The following LRBA variants were observed in gnomAD, a reference collection of about 807,000 sequenced individuals.
LRBA encodes the protein lipopolysaccharide-responsive and beige-like anchor protein.
In LRBA, 176 loss-of-function variants were observed where a neutral mutation model predicts 330.0. That is an observed-to-expected ratio of 0.53 (90% CI 0.47 to 0.60). The LOEUF (loss-of-function observed/expected upper bound fraction) is 0.60, where lower values mean the gene tolerates loss of function less well. Among genes scored for constraint, LRBA ranks in the 20% least tolerant of loss-of-function variants. The probability of loss-of-function intolerance (pLI) is 0.00; values close to 1 mark genes in which losing one functional copy is unlikely to be tolerated. For missense variants in LRBA, 3,259 were observed against 3,444.8 expected, an observed-to-expected ratio of 0.95 and a Z score of 1.35; for synonymous variants, 1,230 against 1,193.0, an observed-to-expected ratio of 1.03 and a Z score of -0.64.
intron 2 of LRBA, among the ~76,000 whole-genome samples, chr4:150,998,149 C>T (rs1289073006): frequency 2.0e-5 from 3 of 151,236 alleles, no homozygotes; most frequent in African/African-American, 4.9e-5. Context: ...GTTGGGAGTT[C>T]GGGACTGGCC....
chr4:150,851,791 A>G, intron 23 of LRBA, 94 bp downstream of exon 23: 1 of 1,317,564 alleles, frequency 7.6e-7, no homozygotes. Context: ...TAGCATGTGA[A>G]CCAAATTCAA....
At chr4:150,968,086 C>T (rs762392448) in intron 2 of LRBA, among the ~76,000 whole-genome samples, 1 of 150,068 alleles carries the variant, frequency 6.7e-6, no homozygotes, top group Non-Finnish European at 1.5e-5. Context: ...TTTACTGCAA[C>T]CTCCACCTCC....
intron 47 of LRBA, among the ~76,000 whole-genome samples, chr4:150,395,029 A>G (rs913595723): frequency 1.3e-5 from 2 of 152,206 alleles, no homozygotes; most frequent in Admixed American, 6.5e-5. Context: ...CGTTATTACC[A>G]TAGTTCATAT....
At chr4:150,639,846 T>C (rs1221308824) in intron 37 of LRBA, among the ~76,000 whole-genome samples, 1 of 69,104 alleles carries the variant, frequency 1.4e-5, no homozygotes, top group African/African-American at 5.8e-5. Flanking sequence ...TATATATATA[T>C]ATATATATAT....
intron 40 of LRBA, among the ~76,000 whole-genome samples, chr4:150,542,060 T>C (rs1460754889): frequency 6.6e-6 from 1 of 152,238 alleles, no homozygotes; most frequent in Admixed American, 6.5e-5. Flanking sequence ...ATATGTTATG[T>C]CTGAATCATG....
chr4:150,350,194 AT>A, intron 47 of LRBA, 35 bp from the exon 48 acceptor site: 1 of 1,427,198 alleles, frequency 7.0e-7, no homozygotes, highest in Non-Finnish European at 9.4e-7. Flanking sequence ...ACTATGCTGA[AT>A]TCCTTTTTAA....
At chr4:150,769,684 A>T (rs1736290139) in intron 34 of LRBA, among the ~76,000 whole-genome samples, 1 of 152,200 alleles carries the variant, frequency 6.6e-6, no homozygotes, top group African/African-American at 2.4e-5. Flanking sequence ...CTTAAATTTC[A>T]TCCAGAAAAG....
chr4:150,849,982 A>C (rs1148656), intron 24 of LRBA, among the ~76,000 whole-genome samples: 138,088 of 151,942 alleles, frequency 0.91, 63,188 homozygotes, highest in Middle Eastern at 0.97. Flanking sequence ...CAAATAAAAA[A>C]AAATAAATTA....
At chr4:150,571,776 A>C (rs1769897126) in intron 40 of LRBA, among the ~76,000 whole-genome samples, 1 of 150,992 alleles carries the variant, frequency 6.6e-6, no homozygotes, top group Admixed American at 6.6e-5. Context: ...GTTCTGTACA[A>C]TATCACAATG....
intron 51 of LRBA, chr4:150,311,280 C>T (rs1385165232): frequency 2.0e-5 from 3 of 152,228 alleles, no homozygotes; most frequent in Admixed American, 6.5e-5. Flanking sequence ...CATCATCTCT[C>T]CAGTACAAGT....
chr4:150,836,304 T>C (rs1370649962), intron 28 of LRBA, among the ~76,000 whole-genome samples: 3 of 152,204 alleles, frequency 2.0e-5, no homozygotes, highest in Admixed American at 6.5e-5. Context: ...AACAGGATGA[T>C]GCTGGCCTCA....
At chr4:150,270,191 A>G (rs1000861339) in intron 56 of LRBA, among the ~76,000 whole-genome samples, 3 of 152,200 alleles carry the variant, frequency 2.0e-5, no homozygotes, top group African/African-American at 7.2e-5. Context: ...ATTGCCATAT[A>G]ACCCAGCAAT....
chr4:150,399,520 TCAAGCGGCTCAA>T (rs1745187781), intron 47 of LRBA, among the ~76,000 whole-genome samples: 1 of 152,192 alleles, frequency 6.6e-6, no homozygotes, highest in African/African-American at 2.4e-5. Flanking sequence ...AGAGAGGTCC[TCAAGCGGCTCAA>T]CATCTCATGG....
intron 45 of LRBA, among the ~76,000 whole-genome samples, chr4:150,436,165 C>G (rs932536059): frequency 1.3e-5 from 2 of 152,138 alleles, no homozygotes; most frequent in Admixed American, 6.6e-5. Context: ...TTGAAATTAG[C>G]TAAGCACTAT....
intron 40 of LRBA, among the ~76,000 whole-genome samples, chr4:150,569,702 T>C (rs1769606765): frequency 6.6e-6 from 1 of 152,136 alleles, no homozygotes; most frequent in Non-Finnish European, 1.5e-5. Flanking sequence ...AGATTATGCT[T>C]TTTATCAAAA....
rs561120603 is a variant in LRBA, at chr4:150,794,947, C to A, written c.5580+3134G>T. On this transcript the variant is annotated intron_variant, in intron 34 of 56. Coordinates refer to ENST00000651943, the MANE Select transcript of LRBA (RefSeq NM_001364905.1). ...CTCCGATAGTGGACTGTTGAGTATC[C>A]GAAGGAATGATTTCTAGTCTACAAA... 1.5e-3 allele frequency among the ~76,000 whole-genome samples: 225 copies of A among 152,160 alleles called. 1 individual carries two copies. The highest frequency in any genetic ancestry group is 2.8e-3 in the Non-Finnish European group (187 of 67,932).
chr4:150,618,826 T>C (rs1003343968), intron 37 of LRBA, among the ~76,000 whole-genome samples: 14 of 141,182 alleles, frequency 9.9e-5, no homozygotes, highest in Non-Finnish European at 2.1e-4. Context: ...TATGTATACA[T>C]ATATTATGTA....
At position 150,780,641 on chromosome 4, in the gene LRBA, A is replaced by ACGTG. The variant is rs70941443; in HGVS notation, c.5580+17439_5580+17440insCACG. The stretch of plus-strand genomic sequence containing the variant: ...TACATATATATACACGTATATATAT[A>ACGTG]TATATGTGTATATATATACGTGTGT... On this transcript the variant is annotated intron_variant, in intron 34 of 56. Transcript: ENST00000651943. Among the ~76,000 whole-genome samples the ACGTG allele has an allele frequency of 4.7e-3, 699 of 148,410 alleles. 2 individuals are homozygous for ACGTG. The highest frequency in any genetic ancestry group is 0.013 in the African/African-American group (533 of 40,522).
chr4:150,917,507 T>G (rs1732764862), intron 5 of LRBA, among the ~76,000 whole-genome samples: 2 of 152,188 alleles, frequency 1.3e-5, no homozygotes, highest in Non-Finnish European at 1.5e-5. Context: ...TGAAGAGGAT[T>G]AGTTCATAAT....
Sources: gnomAD v4.1 joint callset for allele counts (sites outside exome capture counted in the v4.1 genomes callset) on GRCh38, gnomAD v4.1.1 for gene constraint, MANE v1.5 for transcripts, NCBI Gene and HGNC (gene_info 2026-07-23, HGNC 2026-07-21) for gene names.